The following CACNA2D1 variants were observed in gnomAD, a reference collection of about 807,000 sequenced individuals.
The protein encoded by CACNA2D1 is calcium voltage-gated channel auxiliary subunit alpha2delta 1.
Under a neutral mutation model 171.5 loss-of-function variants are expected in CACNA2D1, and 53 were observed. The observed-to-expected ratio is 0.31, with a 90% CI of 0.25 to 0.39. CACNA2D1 has a LOEUF of 0.39. CACNA2D1 is among the 10% of genes least tolerant of loss of function. CACNA2D1 has a pLI of 1.00. For synonymous variants in CACNA2D1, 442 were observed against 443.1 expected, an observed-to-expected ratio of 1.00 and a Z score of 0.03; for missense variants, 903 against 1,299.8, an observed-to-expected ratio of 0.69 and a Z score of 4.69.
chr7:82,072,705 C>A (rs1808467715), intron 7 of CACNA2D1, among the ~76,000 whole-genome samples: 2 of 151,804 alleles, frequency 1.3e-5, no homozygotes, highest in African/African-American at 4.8e-5. Context: ...TTGGACCTAG[C>A]CTAGTGTAGA....
At chr7:82,345,681 AGTGT>A (rs3054696) in intron 2 of CACNA2D1, among the ~76,000 whole-genome samples, 12,419 of 146,352 alleles carry the variant, frequency 0.085, 600 homozygotes, top group South Asian at 0.14. Context: ...TAGCTAAAGG[AGTGT>A]GTGTGTGTGT....
intron 9 of CACNA2D1, among the ~76,000 whole-genome samples, chr7:82,062,945 C>T (rs1377218368): frequency 6.6e-6 from 1 of 151,712 alleles, no homozygotes; most frequent in African/African-American, 2.4e-5. Context: ...TGAGATATTG[C>T]TTTGTTGCTC....
chr7:81,997,742 G>C (rs769876815), intron 18 of CACNA2D1, among the ~76,000 whole-genome samples: 1 of 151,144 alleles, frequency 6.6e-6, no homozygotes, highest in Non-Finnish European at 1.5e-5. Context: ...TATTGGACCT[G>C]TTCTTCCTTC....
rs374742133 is a variant in CACNA2D1 at position 82,060,211 on chromosome 7, A to ATAATATATATATAATATATATATATTAT, written c.879+216_879+217insATAATATATATATATTATATATATATTA. On this transcript the variant is annotated intron_variant, in intron 10 of 38. Transcript: ENST00000356860. ...TATATTATATATATATTATATATAT[A>ATAATATATATATAATATATATATATTAT]ATATATATATAATATATATATATAA... 1.2e-3 allele frequency among the ~76,000 whole-genome samples: 38 copies of ATAATATATATATAATATATATATATTAT among 31,364 alleles called. 3 individuals are homozygous for ATAATATATATATAATATATATATATTAT. The highest frequency in any genetic ancestry group is 4.0e-3 in the African/African-American group (38 of 9,528). The allele number at this position is 31,364 out of a possible 152,430, so 20.6% of individuals were successfully genotyped here.
chr7:82,204,319 C>T (rs554929128), intron 3 of CACNA2D1, among the ~76,000 whole-genome samples: 2 of 152,284 alleles, frequency 1.3e-5, no homozygotes, highest in South Asian at 4.1e-4. Context: ...TGGTTAACTA[C>T]CTAGAAGTTA....
chr7:82,044,233 T>A (rs2131258917), intron 10 of CACNA2D1, among the ~76,000 whole-genome samples: 1 of 152,292 alleles, frequency 6.6e-6, no homozygotes, highest in Middle Eastern at 3.4e-3. Context: ...AAGACCGTTC[T>A]CCTATGTATG....
At chr7:82,095,145 T>C (rs907385202) in intron 6 of CACNA2D1, among the ~76,000 whole-genome samples, 4 of 152,106 alleles carry the variant, frequency 2.6e-5, no homozygotes, top group Non-Finnish European at 5.9e-5. Context: ...CTGCCTCAAA[T>C]GTCATTCTGT....
chr7:82,209,684 T>G (rs779569338), intron 3 of CACNA2D1, among the ~76,000 whole-genome samples: 1 of 152,146 alleles, frequency 6.6e-6, no homozygotes, highest in Non-Finnish European at 1.5e-5. Flanking sequence ...TATCTCTAAT[T>G]TTTTCTTATA....
intron 3 of CACNA2D1, among the ~76,000 whole-genome samples, chr7:82,312,529 T>TTG (rs1814602896): frequency 6.7e-6 from 1 of 150,300 alleles, no homozygotes; most frequent in Non-Finnish European, 1.5e-5. Flanking sequence ...TTTTTTTTTT[T>TTG]TTGAGACAAG....
chr7:81,962,357 C>A, intron 35 of CACNA2D1, 83 bp downstream of exon 35: 3 of 979,650 alleles, frequency 3.1e-6, no homozygotes, highest in South Asian at 2.8e-5. Context: ...CACAAATATT[C>A]TCTGAATTTG....
intron 4 of CACNA2D1, among the ~76,000 whole-genome samples, chr7:82,161,335 T>A (rs1217209964): frequency 6.6e-6 from 1 of 152,050 alleles, no homozygotes. Context: ...TGGGGTAGCA[T>A]GTACTGAACC....
chr7:82,315,162 A>G (rs895090051), intron 3 of CACNA2D1, among the ~76,000 whole-genome samples: 2 of 152,026 alleles, frequency 1.3e-5, no homozygotes, highest in Non-Finnish European at 2.9e-5. Context: ...AAAAGGAAAT[A>G]ACGTGTCGTG....
intron 3 of CACNA2D1, among the ~76,000 whole-genome samples, chr7:82,254,123 C>T (rs953799105): frequency 1.3e-5 from 2 of 152,076 alleles, no homozygotes; most frequent in Non-Finnish European, 2.9e-5. Flanking sequence ...TTTAAAAGAT[C>T]ACATCTTCCC....
intron 12 of CACNA2D1, among the ~76,000 whole-genome samples, chr7:82,016,618 CCCCCA>C (rs1448356517): frequency 4.9e-5 from 6 of 122,208 alleles, no homozygotes; most frequent in East Asian, 2.8e-4. Flanking sequence ...CCGCCCCCCC[CCCCCA>C]AAAAAAAAGC....
At chr7:82,365,167 C>T (rs185845541) in intron 1 of CACNA2D1, among the ~76,000 whole-genome samples, 25 of 152,224 alleles carry the variant, frequency 1.6e-4, no homozygotes, top group Admixed American at 4.6e-4. Flanking sequence ...TAGAAAGGAA[C>T]GCACATTTTA....
Position 81,965,682 on chromosome 7 carries a change from A to G in CACNA2D1, c.2503-17T>C, listed in dbSNP as rs759559192. ...ATCCATTACCTATCAAAATAAAGTG[A>G]ACAGTTAACACATTTTTAGAAAGGT... On this transcript the variant is annotated splice_polypyrimidine_tract_variant and intron_variant, in intron 31 of 38. Transcript: ENST00000356860. The G allele has an allele frequency of 2.7e-6, 4 of 1,483,052 alleles. No individual in the cohort carries two copies. The East Asian group carries it at 6.8e-5, about 25-fold the overall frequency. 91.9% of individuals were successfully genotyped at this position (1,483,052 alleles called of 1,614,324 possible).
At chr7:82,131,229 A>T (rs1269627200) in intron 5 of CACNA2D1, among the ~76,000 whole-genome samples, 2 of 152,212 alleles carry the variant, frequency 1.3e-5, no homozygotes, top group East Asian at 3.9e-4. Context: ...GTAACTAATA[A>T]CTGAGTCTCA....
intron 4 of CACNA2D1, among the ~76,000 whole-genome samples, chr7:82,148,682 A>C (rs1793435241): frequency 6.6e-6 from 1 of 152,124 alleles, no homozygotes; most frequent in Non-Finnish European, 1.5e-5. Flanking sequence ...ATTGTCGACC[A>C]GCTGGAGTGC....
At chr7:82,111,677 G>A (rs1788491413) in intron 6 of CACNA2D1, among the ~76,000 whole-genome samples, 1 of 151,390 alleles carries the variant, frequency 6.6e-6, no homozygotes, top group Non-Finnish European at 1.5e-5. Flanking sequence ...CCTAACTCCT[G>A]GGCTCAATCG....
Sources: gnomAD v4.1 joint callset for allele counts (sites outside exome capture counted in the v4.1 genomes callset) on GRCh38, gnomAD v4.1.1 for gene constraint, MANE v1.5 for transcripts, NCBI Gene and HGNC (gene_info 2026-07-23, HGNC 2026-07-21) for gene names.